Variants in NSUN3 observed in about 807,000 individuals in gnomAD.
NSUN3 encodes the protein NOP2/Sun RNA methyltransferase 3, also known as tRNA (cytosine(34)-C(5))-methyltransferase, mitochondrial.
In NSUN3, 24 loss-of-function variants were observed where a neutral mutation model predicts 36.8. That is an observed-to-expected ratio of 0.65 (90% CI 0.47 to 0.92). NSUN3 has a LOEUF of 0.92. NSUN3 is among the 40% of genes least tolerant of loss of function. NSUN3 has a pLI of 0.00. For synonymous variants in NSUN3, 146 were observed against 145.2 expected (o/e 1.01, Z -0.04); for missense variants, 381 against 392.8 (o/e 0.97, Z 0.25).
At chr3:94,064,639 A>G in intron 2 of NSUN3, 93 bp downstream of exon 2, 1 of 734,056 alleles carries the variant, frequency 1.4e-6, no homozygotes, top group Non-Finnish European at 2.3e-6. Context: ...GTTAAAAGGC[A>G]AAGGAATCTA....
chr3:94,107,342 C>G (rs2077394070), intron 5 of NSUN3, among the ~76,000 whole-genome samples: 1 of 152,050 alleles, frequency 6.6e-6, no homozygotes, highest in African/African-American at 2.4e-5. Flanking sequence ...CTCTGTCGTC[C>G]AGGAGTGCAG....
At chr3:94,115,014 T>C (rs905913831) in intron 5 of NSUN3, among the ~76,000 whole-genome samples, 16 of 152,192 alleles carry the variant, frequency 1.1e-4, no homozygotes, top group African/African-American at 3.9e-4. Flanking sequence ...TGGAGGAATA[T>C]GTACATGTGT....
At chr3:94,074,175 C>A (rs2077237281) in intron 2 of NSUN3, among the ~76,000 whole-genome samples, 1 of 152,146 alleles carries the variant, frequency 6.6e-6, no homozygotes, top group Non-Finnish European at 1.5e-5. Flanking sequence ...TGTTTTGGTA[C>A]CAGTTCCATG....
intron 5 of NSUN3, among the ~76,000 whole-genome samples, chr3:94,117,857 G>T (rs939398678): frequency 2.6e-5 from 4 of 152,146 alleles, no homozygotes; most frequent in Admixed American, 6.5e-5. Flanking sequence ...AACCTGATCA[G>T]CACTTTTATA....
intron 1 of NSUN3, chr3:94,064,170 T>A: frequency 2.5e-6 from 1 of 406,830 alleles, no homozygotes; most frequent in East Asian, 5.0e-5. Flanking sequence ...TTAAAATTAA[T>A]TTTGTTCCTT....
rs529271232 is a variant in NSUN3 at position 94,126,906 on chromosome 3, T to C, written c.*416T>C. ...AATGTACAAATTTGTTCAAGGTTTTTTTTTCCCCCCAACTTTTGTAACTGA... is the reference window on the plus strand; with the variant it reads ...AATGTACAAATTTGTTCAAGGTTTTCTTTTCCCCCCAACTTTTGTAACTGA... On this transcript the variant is annotated 3_prime_UTR_variant, in exon 6 of 6. Transcript: ENST00000314622. The C allele has an allele frequency of 1.6e-4, 25 of 158,248 alleles. No homozygotes were observed. The South Asian group carries it at 4.6e-3, about 29-fold the overall frequency. The allele number at this position is 158,248 out of a possible 1,614,324, so 9.8% of individuals were successfully genotyped here.
intron 5 of NSUN3, among the ~76,000 whole-genome samples, chr3:94,113,259 G>C (rs894657938): frequency 3.3e-5 from 5 of 152,122 alleles, no homozygotes; most frequent in Non-Finnish European, 5.9e-5. Context: ...TGAATGGCAG[G>C]GGATAACTGC....
At chr3:94,108,952 A>G (rs966711242) in intron 5 of NSUN3, among the ~76,000 whole-genome samples, 2 of 152,246 alleles carry the variant, frequency 1.3e-5, no homozygotes, top group African/African-American at 4.8e-5. Flanking sequence ...GGCGTGAGCC[A>G]CTGCACCCAG....
chr3:94,119,204 T>G (rs4857026), intron 5 of NSUN3, among the ~76,000 whole-genome samples: 2 of 152,214 alleles, frequency 1.3e-5, no homozygotes, highest in African/African-American at 2.4e-5. Context: ...CTTAGTATAT[T>G]GTAAAATACA....
In NSUN3 at chr3:94,080,740, G is replaced by A. The variant is rs540338204; in HGVS notation, c.123-3367G>A. 1.7e-3 allele frequency among the ~76,000 whole-genome samples: 262 copies of A among 152,272 alleles called. 1 individual carries two copies. Among genetic ancestry groups the A allele is most frequent in the African/African-American group, 5.5e-3 (227 of 41,568 alleles). Reference sequence around the variant, plus strand: ...CACCTACTCAAGCCTCAGTAATGGCGGACGCCCCTCCCTCCACCAAGCTCC... The same window carrying A: ...CACCTACTCAAGCCTCAGTAATGGCAGACGCCCCTCCCTCCACCAAGCTCC... On this transcript the variant is annotated intron_variant, in intron 2 of 5. Coordinates refer to ENST00000314622, the MANE Select transcript of NSUN3 (RefSeq NM_022072.5).
Position 94,128,704 on chromosome 3 carries a change from C to T in NSUN3, c.*2214C>T, listed in dbSNP as rs2077498210. 6.6e-6 allele frequency among the ~76,000 whole-genome samples: 1 copy of T among 151,804 alleles called. No homozygotes were observed. The highest frequency in any genetic ancestry group is 1.5e-5 in the Non-Finnish European group (1 of 67,966). ...GCAAACTAAACTATCAACAGAGTAGCAGACAACTTACAGGATGGGAGAAAT... is the reference window on the plus strand; with the variant it reads ...GCAAACTAAACTATCAACAGAGTAGTAGACAACTTACAGGATGGGAGAAAT... On this transcript the variant is annotated 3_prime_UTR_variant, in exon 6 of 6. Transcript: ENST00000314622.
intron 3 of NSUN3, among the ~76,000 whole-genome samples, chr3:94,086,251 C>T (rs2077292433): frequency 6.6e-6 from 1 of 152,152 alleles, no homozygotes; most frequent in Admixed American, 6.5e-5. Context: ...ACTTCCTCAG[C>T]CAAAACACTG....
intron 3 of NSUN3, among the ~76,000 whole-genome samples, chr3:94,090,266 G>A (rs2077309039): frequency 6.6e-6 from 1 of 152,054 alleles, no homozygotes; most frequent in African/African-American, 2.4e-5. Flanking sequence ...AATGTAGTAA[G>A]TGTTAGTATA....
chr3:94,110,586 A>G (rs1358810475), intron 5 of NSUN3, among the ~76,000 whole-genome samples: 1 of 151,994 alleles, frequency 6.6e-6, no homozygotes, highest in Non-Finnish European at 1.5e-5. Context: ...TCTTCTAGTT[A>G]TCCTAGAGTT....
At chr3:94,124,202 G>T (rs1222150688) in intron 5 of NSUN3, among the ~76,000 whole-genome samples, 2 of 138,124 alleles carry the variant, frequency 1.4e-5, no homozygotes, top group Non-Finnish European at 1.5e-5. Context: ...ACCCAGGCTG[G>T]AGTGAAGTGG....
intron 3 of NSUN3, among the ~76,000 whole-genome samples, chr3:94,085,957 T>C (rs2077290943): frequency 6.6e-6 from 1 of 151,758 alleles, no homozygotes; most frequent in South Asian, 2.1e-4. Context: ...TTTTTTTTTT[T>C]TTTTGAGATG....
Position 94,126,402 on chromosome 3 carries a change from G to T in NSUN3, c.935G>T (p.Gly312Val). ...FTFAPTGQEC[G>V]LLVIPDKGKA... is the part of the protein sequence containing the mutation. Reference sequence around the variant, plus strand: ...TTTGCTCCCACTGGCCAGGAATGTGGGCTCTTAGTGATTCCAGATAAGGGC... The same window carrying T: ...TTTGCTCCCACTGGCCAGGAATGTGTGCTCTTAGTGATTCCAGATAAGGGC... Residue 312 changes from glycine (G) to valine (V), a missense_variant, in exon 6 of 6, where the codon GGG becomes GTG. By Grantham distance (109) the Gly-to-Val change is moderately radical. Transcript: ENST00000314622. 1 of 1,614,084 alleles carries T rather than the reference G, an allele frequency of 6.2e-7. No individual in the cohort carries two copies. The highest frequency in any genetic ancestry group is 8.5e-7 in the Non-Finnish European group (1 of 1,180,004).
At chr3:94,066,173 C>G (rs1351402748) in intron 2 of NSUN3, among the ~76,000 whole-genome samples, 1 of 150,852 alleles carries the variant, frequency 6.6e-6, no homozygotes, top group African/African-American at 2.4e-5. Flanking sequence ...AAGTCATATA[C>G]TATTATTTGA....
At chr3:94,090,529 C>T (rs1220052139) in intron 3 of NSUN3, among the ~76,000 whole-genome samples, 2 of 152,000 alleles carry the variant, frequency 1.3e-5, no homozygotes, top group African/African-American at 4.8e-5. Context: ...TTAATATGCA[C>T]ATACTAAATG....
Sources: allele counts gnomAD v4.1 joint callset (sites outside exome capture counted in the v4.1 genomes callset), GRCh38; gene constraint gnomAD v4.1.1; transcripts MANE v1.5; gene names NCBI Gene and HGNC (gene_info 2026-07-23, HGNC 2026-07-21).